CCDC91: variants seen among roughly 807,000 people sequenced by gnomAD.
CCDC91 encodes the protein coiled-coil domain containing 91, also known as coiled-coil domain-containing protein 91.
CCDC91 carries 48 observed loss-of-function variants against 63.2 expected under a neutral mutation model. That is an observed-to-expected ratio of 0.76 (90% CI 0.60 to 0.97). CCDC91 has a LOEUF of 0.97. CCDC91 is among the 50% of genes least tolerant of loss of function. The pLI is 0.00. For missense variants in CCDC91, 500 were observed against 494.6 expected, an observed-to-expected ratio of 1.01 and a Z score of -0.10; for synonymous variants, 167 against 165.8, an observed-to-expected ratio of 1.01 and a Z score of -0.06.
At chr12:28,373,362 GT>G (rs1944741989) in intron 7 of CCDC91, among the ~76,000 whole-genome samples, 1 of 148,542 alleles carries the variant, frequency 6.7e-6, no homozygotes, top group South Asian at 2.1e-4. Flanking sequence ...TGTGTAGATT[GT>G]TTTTCATCAA....
intron 3 of CCDC91, among the ~76,000 whole-genome samples, chr12:28,298,297 G>A (rs1949674184): frequency 6.6e-6 from 1 of 150,866 alleles, no homozygotes; most frequent in Non-Finnish European, 1.5e-5. Flanking sequence ...GGTCTGATTA[G>A]CAGGATGCCA....
chr12:28,386,053 G>A (rs1945580246), intron 7 of CCDC91, among the ~76,000 whole-genome samples: 1 of 152,148 alleles, frequency 6.6e-6, no homozygotes, highest in South Asian at 2.1e-4. Context: ...AGCCCGTGGA[G>A]TAAAAAGAAT....
intron 8 of CCDC91, among the ~76,000 whole-genome samples, chr12:28,424,090 G>A (rs1459078992): frequency 1.3e-5 from 2 of 152,042 alleles, no homozygotes; most frequent in Non-Finnish European, 2.9e-5. Flanking sequence ...ACCAAGGCTA[G>A]CTAAATTTTT....
intron 3 of CCDC91, among the ~76,000 whole-genome samples, chr12:28,300,907 T>C (rs557618846): frequency 9.2e-5 from 14 of 151,830 alleles, no homozygotes; most frequent in African/African-American, 3.1e-4. Context: ...TAAATGGTTA[T>C]TGTTTTTACA....
chr12:28,283,024 T>C (rs1288878176), intron 3 of CCDC91, among the ~76,000 whole-genome samples: 1 of 152,170 alleles, frequency 6.6e-6, no homozygotes, highest in African/African-American at 2.4e-5. Context: ...GTTGTAGGTA[T>C]TTGGCTGTAT....
At chr12:28,491,683 A>G (rs746236943) in intron 12 of CCDC91, among the ~76,000 whole-genome samples, 2 of 151,826 alleles carry the variant, frequency 1.3e-5, no homozygotes, top group African/African-American at 4.8e-5. Context: ...AAGCAAATTT[A>G]TATATAAAAA....
chr12:28,363,876 G>GAAAAAAAAAAAAAA (rs34997286), intron 7 of CCDC91, among the ~76,000 whole-genome samples: 2 of 52,554 alleles, frequency 3.8e-5, no homozygotes, highest in Non-Finnish European at 6.4e-5. Context: ...GGCTCCATCT[G>GAAAAAAAAAAAAAA]AAAAAAAAAA....
chr12:28,244,920 T>C (rs1321897894), intron 1 of CCDC91, among the ~76,000 whole-genome samples: 4 of 151,192 alleles, frequency 2.6e-5, no homozygotes, highest in East Asian at 1.9e-4. Context: ...GGTAGATTAA[T>C]ATAGAAGTCA....
intron 6 of CCDC91, among the ~76,000 whole-genome samples, chr12:28,362,226 T>G (rs1943936600): frequency 6.7e-6 from 1 of 150,302 alleles, no homozygotes; most frequent in South Asian, 2.1e-4. Context: ...TTTTCTCTTG[T>G]TTCCCTTTAA....
At chr12:28,471,758 C>CTTTTTTTTTT (rs375850875) in intron 11 of CCDC91, among the ~76,000 whole-genome samples, 5 of 149,352 alleles carry the variant, frequency 3.3e-5, no homozygotes, top group Non-Finnish European at 7.4e-5. Flanking sequence ...TTTTCTCTCT[C>CTTTTTTTTTT]TTTTTTTTTG....
chr12:28,264,937 A>G (rs1385599648), intron 3 of CCDC91, among the ~76,000 whole-genome samples: 2 of 151,970 alleles, frequency 1.3e-5, no homozygotes, highest in African/African-American at 4.8e-5. Flanking sequence ...GTGATGCCAT[A>G]TAAAGGCTGT....
chr12:28,376,637 A>T (rs1447219140), intron 7 of CCDC91, among the ~76,000 whole-genome samples: 4 of 151,878 alleles, frequency 2.6e-5, no homozygotes, highest in African/African-American at 7.2e-5. Context: ...TAGATGTAAC[A>T]TTATAGCTTA....
rs1331212706 is a variant in CCDC91, at chr12:28,190,507, G to C, written c.-149G>C. The C allele has an allele frequency of 6.5e-6, 1 of 153,036 alleles. No homozygotes were observed. The highest frequency in any genetic ancestry group is 1.5e-5 in the Non-Finnish European group (1 of 68,614). 9.5% of individuals were successfully genotyped at this position (153,036 alleles called of 1,614,324 possible). A position where few individuals can be genotyped will look rare whatever the true frequency, so the allele number is the denominator to read the frequency against. ...TGGGCTACCCCAACCTGTGTGGCTG[G>C]GCCGCGGTCTCCCCTCAAGGGCCTG... On this transcript the variant is annotated 5_prime_UTR_variant, in exon 1 of 13. Transcript: ENST00000536442.
At position 28,246,922 on chromosome 12, in the gene CCDC91, G is replaced by T. The variant is rs571131246; in HGVS notation, c.-14-10280G>T. Among the ~76,000 whole-genome samples the T allele has an allele frequency of 1.3e-5, 2 of 152,182 alleles. 1 individual carries two copies. Among genetic ancestry groups the T allele is most frequent in the African/African-American group, 4.8e-5 (2 of 41,430 alleles). Reference sequence around the variant, plus strand: ...AAGAACAGATTGAGGAGAGAAAGTAGTTTGTGAAGAAAAGGTGAATTTGGC... The same window carrying T: ...AAGAACAGATTGAGGAGAGAAAGTATTTTGTGAAGAAAAGGTGAATTTGGC... On this transcript the variant is annotated intron_variant, in intron 1 of 12. Transcript: ENST00000536442.
chr12:28,384,034 T>C (rs1235480291), intron 7 of CCDC91, among the ~76,000 whole-genome samples: 5 of 152,108 alleles, frequency 3.3e-5, no homozygotes, highest in African/African-American at 9.7e-5. Flanking sequence ...CCAAGAGCCA[T>C]TGGGGATTAA....
At chr12:28,529,750 A>G (rs1373365238) in intron 12 of CCDC91, among the ~76,000 whole-genome samples, 1 of 152,244 alleles carries the variant, frequency 6.6e-6, no homozygotes. Context: ...TTGTTGAAAT[A>G]AAACTAATTT....
chr12:28,412,901 G>A (rs188515515), intron 8 of CCDC91: 18 of 405,998 alleles, frequency 4.4e-5, no homozygotes, highest in Middle Eastern at 8.1e-4. Context: ...AGGAAGTCCA[G>A]CTGGCCTCAC....
chr12:28,503,269 G>T (rs1249118961), intron 12 of CCDC91, among the ~76,000 whole-genome samples: 1 of 152,124 alleles, frequency 6.6e-6, no homozygotes, highest in East Asian at 1.9e-4. Context: ...CAAAAAGTGG[G>T]CGAAGGACAT....
At chr12:28,333,171 T>C (rs887479200) in intron 6 of CCDC91, among the ~76,000 whole-genome samples, 12 of 151,810 alleles carry the variant, frequency 7.9e-5, no homozygotes, top group African/African-American at 2.7e-4. Flanking sequence ...TGAGGCATCC[T>C]GATCACAAGG....
Sources: allele counts gnomAD v4.1 joint callset (sites outside exome capture counted in the v4.1 genomes callset), GRCh38; gene constraint gnomAD v4.1.1; transcripts MANE v1.5; gene names NCBI Gene and HGNC (gene_info 2026-07-23, HGNC 2026-07-21).